The following MAN2A1 variants were observed in gnomAD, a reference collection of about 807,000 sequenced individuals.
The protein encoded by MAN2A1 is mannosidase alpha class 2A member 1.
A neutral mutation model predicts 142.6 loss-of-function variants in MAN2A1; 76 were observed. The ratio of observed to expected loss-of-function variants is 0.53; its 90% confidence interval spans 0.44 to 0.65. MAN2A1 has a LOEUF of 0.65. Ranked by LOEUF, MAN2A1 falls within the 30% of genes least tolerant of loss-of-function variation. The pLI is 0.00. For missense variants in MAN2A1, 1,311 were observed against 1,365.1 expected, an observed-to-expected ratio of 0.96 and a Z score of 0.62; for synonymous variants, 559 against 473.2, an observed-to-expected ratio of 1.18 and a Z score of -2.35.
chr5:109,808,612 A>G (rs989414777), intron 12 of MAN2A1, among the ~76,000 whole-genome samples: 1 of 151,998 alleles, frequency 6.6e-6, no homozygotes, highest in Non-Finnish European at 1.5e-5. Flanking sequence ...AATGTTTTGA[A>G]TAGTATTGTT....
chr5:109,778,628 C>A (rs1753361149), intron 8 of MAN2A1, among the ~76,000 whole-genome samples: 1 of 152,020 alleles, frequency 6.6e-6, no homozygotes, highest in Non-Finnish European at 1.5e-5. Flanking sequence ...AATGATTGAA[C>A]CAGTACCCCA....
Position 109,857,173 on chromosome 5 carries a change from T to C in MAN2A1, c.3171+1839T>C, listed in dbSNP as rs545611708. Among the ~76,000 whole-genome samples the C allele has an allele frequency of 7.0e-4, 106 of 152,362 alleles. 1 individual carries two copies. Among genetic ancestry groups the C allele is most frequent in the African/African-American group, 2.5e-3 (103 of 41,582 alleles). Reference sequence around the variant, plus strand: ...TGAAGGCCCTGAGGCCGGAGAGATATGTGGCCAGAACAGAAGCTCCATGAG... The same window carrying C: ...TGAAGGCCCTGAGGCCGGAGAGATACGTGGCCAGAACAGAAGCTCCATGAG... On this transcript the variant is annotated intron_variant, in intron 20 of 21. Transcript: ENST00000261483.
intron 1 of MAN2A1, 52 bp from the exon 2 acceptor site, chr5:109,713,468 A>G (rs557034481): frequency 2.0e-5 from 29 of 1,482,056 alleles, no homozygotes; most frequent in Non-Finnish European, 2.5e-5. Context: ...TGTATGCCTC[A>G]GCAGATCTAT....
At chr5:109,843,444 T>A (rs1176396565) in intron 17 of MAN2A1, among the ~76,000 whole-genome samples, 1 of 152,152 alleles carries the variant, frequency 6.6e-6, no homozygotes, top group East Asian at 1.9e-4. Context: ...AAGATGAGAT[T>A]TGGGTGGGGA....
At chr5:109,770,210 G>A in intron 6 of MAN2A1, 145 bp from the exon 7 acceptor site, 2 of 657,636 alleles carry the variant, frequency 3.0e-6, no homozygotes, top group Non-Finnish European at 5.2e-6. Flanking sequence ...ATACCGCTGG[G>A]GTATATGTAC....
intron 12 of MAN2A1, among the ~76,000 whole-genome samples, chr5:109,795,503 G>A (rs1168548346): frequency 3.3e-5 from 5 of 152,158 alleles, no homozygotes; most frequent in African/African-American, 1.2e-4. Flanking sequence ...ATGATGAACA[G>A]TTGTAGGAAT....
chr5:109,864,489 C>G (rs1268075088), intron 20 of MAN2A1: 1 of 152,040 alleles, frequency 6.6e-6, no homozygotes, highest in Non-Finnish European at 1.5e-5. Context: ...GCTGGCCTAC[C>G]AAGTGAAAGC....
At chr5:109,703,181 AT>A (rs1470355970) in intron 1 of MAN2A1, among the ~76,000 whole-genome samples, 2 of 152,226 alleles carry the variant, frequency 1.3e-5, no homozygotes, top group African/African-American at 2.4e-5. Context: ...GTTTAGGTTG[AT>A]TACTGACAAT....
chr5:109,823,905 C>A, intron 16 of MAN2A1, 68 bp downstream of exon 16: 2 of 715,656 alleles, frequency 2.8e-6, no homozygotes, highest in Non-Finnish European at 4.4e-6. Context: ...TTTTCTTATG[C>A]CATTCTTAAA....
intron 12 of MAN2A1, among the ~76,000 whole-genome samples, chr5:109,814,076 C>T (rs890122519): frequency 5.9e-5 from 9 of 152,036 alleles, no homozygotes; most frequent in African/African-American, 1.4e-4. Context: ...GGAGGCTGGA[C>T]GTGACTTGGT....
At chr5:109,790,663 C>G (rs1214205856) in intron 12 of MAN2A1, among the ~76,000 whole-genome samples, 1 of 151,832 alleles carries the variant, frequency 6.6e-6, no homozygotes, top group East Asian at 1.9e-4. Context: ...TATGCCTGTT[C>G]CTTAAATATT....
chr5:109,764,744 A>G (rs1289483638), intron 5 of MAN2A1, among the ~76,000 whole-genome samples: 2 of 152,210 alleles, frequency 1.3e-5, no homozygotes, highest in Admixed American at 6.5e-5. Flanking sequence ...AATGGACACT[A>G]TAAACTCTTT....
At chr5:109,809,060 A>C (rs1276334274) in intron 12 of MAN2A1, among the ~76,000 whole-genome samples, 2 of 152,134 alleles carry the variant, frequency 1.3e-5, no homozygotes, top group Non-Finnish European at 2.9e-5. Flanking sequence ...GACTATTTCT[A>C]AGTTATAGTT....
chr5:109,696,288 AC>A (rs1375469957), intron 1 of MAN2A1, among the ~76,000 whole-genome samples: 6 of 151,874 alleles, frequency 4.0e-5, no homozygotes, highest in Non-Finnish European at 8.8e-5. Context: ...TTTAGTAGAG[AC>A]GGGGTTTCAC....
At chr5:109,827,571 G>A (rs978877814) in intron 16 of MAN2A1, among the ~76,000 whole-genome samples, 2 of 152,140 alleles carry the variant, frequency 1.3e-5, no homozygotes, top group African/African-American at 2.4e-5. Context: ...TTTGTTTTTG[G>A]TTTGGTATTT....
intron 17 of MAN2A1, among the ~76,000 whole-genome samples, chr5:109,844,747 C>T (rs1288753794): frequency 1.3e-5 from 2 of 152,182 alleles, no homozygotes; most frequent in Non-Finnish European, 2.9e-5. Context: ...ATCTCTACCT[C>T]TTTTGTCATA....
chr5:109,803,691 C>T lies in MAN2A1; in HGVS notation c.1944-13582C>T, dbSNP rs914711743. 3.3e-5 allele frequency among the ~76,000 whole-genome samples: 5 copies of T among 151,988 alleles called. 1 individual carries two copies. Among genetic ancestry groups the T allele is most frequent in the Admixed American group, 3.3e-4 (5 of 15,258 alleles). Reference sequence around the variant, plus strand: ...AGTTAAGATATTTGGAAATACATAACTGTATGTAACTGAAGAAAAACTTTG... The same window carrying T: ...AGTTAAGATATTTGGAAATACATAATTGTATGTAACTGAAGAAAAACTTTG... On this transcript the variant is annotated intron_variant, in intron 12 of 21. Coordinates refer to ENST00000261483, the MANE Select transcript of MAN2A1 (RefSeq NM_002372.4).
At chr5:109,733,604 C>T (rs1361360472) in intron 4 of MAN2A1, among the ~76,000 whole-genome samples, 1 of 152,094 alleles carries the variant, frequency 6.6e-6, no homozygotes, top group Non-Finnish European at 1.5e-5. Context: ...GCCTTTTCTG[C>T]ATCTATTGAG....
At chr5:109,740,869 C>T (rs1438290190) in intron 4 of MAN2A1, among the ~76,000 whole-genome samples, 3 of 152,210 alleles carry the variant, frequency 2.0e-5, no homozygotes, top group Non-Finnish European at 4.4e-5. Context: ...CCTGTTTCTC[C>T]TGACTCTACC....
Sources: allele counts gnomAD v4.1 joint callset (sites outside exome capture counted in the v4.1 genomes callset), GRCh38; gene constraint gnomAD v4.1.1; transcripts MANE v1.5; gene names NCBI Gene and HGNC (gene_info 2026-07-23, HGNC 2026-07-21).